Variants in LRRC7 observed in about 807,000 individuals in gnomAD.
LRRC7 encodes the protein leucine rich repeat containing 7, also known as leucine-rich repeat-containing protein 7.
Under a neutral mutation model 175.7 loss-of-function variants are expected in LRRC7, and 23 were observed. The observed-to-expected ratio is 0.13, with a 90% confidence interval of 0.09 to 0.19. The LOEUF is 0.19. Ranked by LOEUF, LRRC7 falls within the 10% of genes least tolerant of loss-of-function variation. LRRC7 has a pLI of 1.00. For missense variants in LRRC7, 1,354 were observed against 1,904.7 expected, an observed-to-expected ratio of 0.71 and a Z score of 5.38; for synonymous variants, 685 against 680.9, an observed-to-expected ratio of 1.01 and a Z score of -0.09.
At chr1:70,009,295 T>C (rs1013766539) in intron 11 of LRRC7, among the ~76,000 whole-genome samples, 1 of 151,990 alleles carries the variant, frequency 6.6e-6, no homozygotes, top group African/African-American at 2.4e-5. Context: ...AAAAAATTTA[T>C]TGAGTGCATT....
intron 7 of LRRC7, among the ~76,000 whole-genome samples, chr1:69,909,912 C>A (rs531109548): frequency 8.5e-5 from 13 of 152,266 alleles, no homozygotes; most frequent in South Asian, 6.2e-4. Flanking sequence ...GTACACCAAT[C>A]AGACATAGAT....
intron 4 of LRRC7, among the ~76,000 whole-genome samples, chr1:69,798,186 C>G (rs189231314): frequency 4.7e-4 from 71 of 152,266 alleles, no homozygotes; most frequent in Admixed American, 9.2e-4. Flanking sequence ...TCCCAAAGTG[C>G]TGGGATTACA....
At chr1:69,814,758 TG>T (rs1250850667) in intron 4 of LRRC7, among the ~76,000 whole-genome samples, 1 of 152,170 alleles carries the variant, frequency 6.6e-6, no homozygotes, top group African/African-American at 2.4e-5. Flanking sequence ...GAAGAGCCAC[TG>T]GTAACCTACT....
chr1:70,080,501 A>G (rs1429809726), intron 24 of LRRC7, among the ~76,000 whole-genome samples: 3 of 152,218 alleles, frequency 2.0e-5, no homozygotes, highest in Non-Finnish European at 4.4e-5. Flanking sequence ...AATATTCAAG[A>G]ACTCTAGAAA....
rs534779266 is a variant in LRRC7 at position 69,881,999 on chromosome 1, CGACT to C, written c.647+43719_647+43722del. The stretch of plus-strand genomic sequence containing the variant: ...CCAAAATATATTTTAAGAGTTCATA[CGACT>C]GAATAGCAAAAAAAAAAAAAAAGCA... On this transcript the variant is annotated intron_variant, in intron 7 of 26. Transcript: ENST00000651989. Among the ~76,000 whole-genome samples, 77 of 135,236 alleles carry C rather than the reference CGACT, an allele frequency of 5.7e-4. 1 individual carries two copies. The East Asian group carries it at 0.012, about 20-fold the overall frequency. The allele number at this position is 135,236 out of a possible 152,430, so 88.7% of individuals were successfully genotyped here. A position where few individuals can be genotyped will look rare whatever the true frequency, so the allele number is the denominator to read the frequency against.
intron 7 of LRRC7, among the ~76,000 whole-genome samples, chr1:69,918,637 C>T (rs901277141): frequency 6.6e-5 from 10 of 151,966 alleles, no homozygotes; most frequent in African/African-American, 2.4e-4. Flanking sequence ...ATACTGAATG[C>T]CATCTCTGAA....
chr1:69,635,969 C>T (rs1417683612), intron 1 of LRRC7, among the ~76,000 whole-genome samples: 1 of 151,890 alleles, frequency 6.6e-6, no homozygotes, highest in Non-Finnish European at 1.5e-5. Flanking sequence ...AATAAATTAA[C>T]AATTTCCCTT....
chr1:70,124,297 G>A lies in LRRC7; in HGVS notation c.*2410G>A, dbSNP rs1666345123. Among the ~76,000 whole-genome samples the A allele has an allele frequency of 6.6e-6, 1 of 152,152 alleles. No homozygotes were observed. The highest frequency in any genetic ancestry group is 6.5e-5 in the Admixed American group (1 of 15,282). On this transcript the variant is annotated 3_prime_UTR_variant, in exon 27 of 27. Transcript: ENST00000651989. Reference sequence around the variant, plus strand: ...CCCCACACTTTGGGAGGCCAAGGTGGGCGGATCACTTGAGGTCAGTTCAAG... The same window carrying A: ...CCCCACACTTTGGGAGGCCAAGGTGAGCGGATCACTTGAGGTCAGTTCAAG...
At chr1:69,775,238 A>G (rs1221149207) in intron 3 of LRRC7, among the ~76,000 whole-genome samples, 1 of 152,228 alleles carries the variant, frequency 6.6e-6, no homozygotes, top group African/African-American at 2.4e-5. Context: ...GTAAAAATGT[A>G]ATTTCATTAA....
intron 4 of LRRC7, among the ~76,000 whole-genome samples, chr1:69,819,566 T>G (rs982864188): frequency 5.3e-5 from 7 of 133,254 alleles, no homozygotes; most frequent in African/African-American, 2.4e-4. Flanking sequence ...TCTCTCTCTC[T>G]CTCTCTCTCT....
At chr1:70,002,533 A>C (rs1655630089) in intron 11 of LRRC7, among the ~76,000 whole-genome samples, 1 of 152,166 alleles carries the variant, frequency 6.6e-6, no homozygotes, top group Admixed American at 6.6e-5. Flanking sequence ...TCTCAACTAG[A>C]ATATAGGCTC....
intron 4 of LRRC7, among the ~76,000 whole-genome samples, chr1:69,816,248 G>C (rs1678587718): frequency 6.6e-6 from 1 of 152,140 alleles, no homozygotes; most frequent in Non-Finnish European, 1.5e-5. Flanking sequence ...AAAGTGCTGG[G>C]ATTACAGGCG....
chr1:69,923,559 T>A (rs1380076164), intron 7 of LRRC7, among the ~76,000 whole-genome samples: 1 of 152,244 alleles, frequency 6.6e-6, no homozygotes, highest in Non-Finnish European at 1.5e-5. Context: ...TGCATTTCTG[T>A]GAGCATTTGT....
intron 3 of LRRC7, among the ~76,000 whole-genome samples, chr1:69,762,367 A>T (rs1459296008): frequency 6.6e-6 from 1 of 152,038 alleles, no homozygotes; most frequent in African/African-American, 2.4e-5. Context: ...TACAGAGAAA[A>T]ACTGAAGCAT....
chr1:69,729,054 A>G (rs151312952), intron 2 of LRRC7, among the ~76,000 whole-genome samples: 116 of 152,284 alleles, frequency 7.6e-4, no homozygotes, highest in African/African-American at 2.6e-3. Flanking sequence ...CCCCTTATAA[A>G]ACCATCAGAT....
intron 7 of LRRC7, among the ~76,000 whole-genome samples, chr1:69,915,478 G>A (rs1646657880): frequency 1.3e-5 from 2 of 152,104 alleles, no homozygotes; most frequent in African/African-American, 4.8e-5. Flanking sequence ...TGTGCTTCTA[G>A]TCTAAGAAAT....
chr1:69,772,187 G>A (rs1248839647), intron 3 of LRRC7, among the ~76,000 whole-genome samples: 1 of 151,946 alleles, frequency 6.6e-6, no homozygotes, highest in Admixed American at 6.6e-5. Context: ...TTGCTGAGAG[G>A]GTACTTGAGG....
chr1:70,017,607 G>T (rs1657079156), intron 14 of LRRC7, among the ~76,000 whole-genome samples: 1 of 152,116 alleles, frequency 6.6e-6, no homozygotes, highest in Admixed American at 6.6e-5. Context: ...GAGCATAAAA[G>T]TAGCATTACT....
Position 70,142,231 on chromosome 1 carries a change from T to G in LRRC7, c.*20344T>G, listed in dbSNP as rs1324262842. The G allele has an allele frequency of 6.6e-6, 1 of 152,158 alleles. No homozygotes were observed. The highest frequency in any genetic ancestry group is 1.5e-5 in the Non-Finnish European group (1 of 67,982). 9.4% of individuals were successfully genotyped at this position (152,158 alleles called of 1,614,324 possible). A position where few individuals can be genotyped will look rare whatever the true frequency, so the allele number is the denominator to read the frequency against. On this transcript the variant is annotated 3_prime_UTR_variant, in exon 27 of 27. Coordinates refer to ENST00000651989, the MANE Select transcript of LRRC7 (RefSeq NM_001370785.2). ...TCAGAGGACTCTTATTTGGCTTGAA[T>G]GTGGAAAAGGCATCTGGTTCAGGTC...
Sources: allele counts gnomAD v4.1 joint callset (sites outside exome capture counted in the v4.1 genomes callset), GRCh38; gene constraint gnomAD v4.1.1; transcripts MANE v1.5; gene names NCBI Gene and HGNC (gene_info 2026-07-23, HGNC 2026-07-21).